AAK1: variants seen among roughly 807,000 people sequenced by gnomAD.
The protein encoded by AAK1 is AP2 associated kinase 1, also known as AP2-associated protein kinase 1.
A neutral mutation model predicts 116.0 loss-of-function variants in AAK1; 37 were observed. The ratio of observed to expected loss-of-function variants is 0.32; its 90% CI spans 0.25 to 0.42. The LOEUF is 0.42. Among genes scored for constraint, AAK1 ranks in the 10% least tolerant of loss-of-function variants. The probability of loss-of-function intolerance (pLI) is 1.00; values close to 1 mark genes in which losing one functional copy is unlikely to be tolerated. For missense variants in AAK1, 919 were observed against 1,170.6 expected, an observed-to-expected ratio of 0.79 and a Z score of 3.14; for synonymous variants, 458 against 439.9, an observed-to-expected ratio of 1.04 and a Z score of -0.51.
rs1675858464 is a variant in AAK1, at chr2:69,643,626, C to T, written c.-286G>A. 2 of 1,228,548 alleles carry T rather than the reference C, an allele frequency of 1.6e-6. No homozygotes were observed. Among genetic ancestry groups the T allele is most frequent in the Non-Finnish European group, 2.0e-6 (2 of 986,026 alleles). 76.1% of individuals were successfully genotyped at this position (1,228,548 alleles called of 1,614,324 possible). ...TGCTACCAGCCCCGCGACATTGTCA[C>T]GGCCGCCGGGCCGGCCTGCGACGCA... On this transcript the variant is annotated 5_prime_UTR_variant, in exon 1 of 22. The change creates a new upstream start codon in the 5' untranslated region. Transcript: ENST00000409085.
chr2:69,534,269 A>C (rs1406597018), intron 5 of AAK1, among the ~76,000 whole-genome samples: 1 of 152,170 alleles, frequency 6.6e-6, no homozygotes. Flanking sequence ...AAGTGAACCT[A>C]AACAACCTCA....
chr2:69,619,855 G>C (rs886870510), intron 2 of AAK1, among the ~76,000 whole-genome samples: 5 of 152,194 alleles, frequency 3.3e-5, no homozygotes, highest in African/African-American at 1.2e-4. Flanking sequence ...TATGGATAGA[G>C]AGCAATAACC....
intron 2 of AAK1, among the ~76,000 whole-genome samples, chr2:69,596,724 C>T (rs1483304224): frequency 1.3e-5 from 2 of 152,098 alleles, no homozygotes; most frequent in Non-Finnish European, 2.9e-5. Flanking sequence ...GGCAGTGGGC[C>T]TCTGTGACTA....
chr2:69,471,723 A>G lies in AAK1; in HGVS notation c.*4146T>C, dbSNP rs1674688498. On this transcript the variant is annotated 3_prime_UTR_variant, in exon 22 of 22. Transcript: ENST00000409085. ...TTGGCCCAAGGTATCTATAGCATGT[A>G]TTTATTTAGCTGAGTGCAGATCCCT... 2.0e-6 allele frequency: 2 copies of G among 985,278 alleles called. No homozygotes were observed. The highest frequency in any genetic ancestry group is 1.2e-4 in the Admixed American group (2 of 16,258). The allele number at this position is 985,278 out of a possible 1,614,324, so 61.0% of individuals were successfully genotyped here. A position where few individuals can be genotyped will look rare whatever the true frequency, so the allele number is the denominator to read the frequency against.
chr2:69,537,579 T>G (rs1344067051), intron 5 of AAK1, among the ~76,000 whole-genome samples: 1 of 152,212 alleles, frequency 6.6e-6, no homozygotes, highest in Non-Finnish European at 1.5e-5. Flanking sequence ...AACTAGCATT[T>G]TCTCTGGAAA....
At chr2:69,496,212 G>A in intron 16 of AAK1, 132 bp from the exon 17 acceptor site, 2 of 556,338 alleles carry the variant, frequency 3.6e-6, no homozygotes, top group South Asian at 4.3e-5. Flanking sequence ...TCTAAGCCTA[G>A]AATAAAAGTG....
rs1372091750 is a variant in AAK1 at position 69,472,223 on chromosome 2, C to T, written c.*3646G>A. 2 of 926,950 alleles carry T rather than the reference C, an allele frequency of 2.2e-6. No individual in the cohort carries two copies. The highest frequency in any genetic ancestry group is 2.6e-6 in the Non-Finnish European group (2 of 776,952). 57.4% of individuals were successfully genotyped at this position (926,950 alleles called of 1,614,324 possible). On this transcript the variant is annotated 3_prime_UTR_variant, in exon 22 of 22. Transcript: ENST00000409085. ...GGATTATCCTTTTTACTGTCTTCAA[C>T]AGTAACCACTCTTCATCTTACAGGG...
At chr2:69,592,966 C>T (rs1032224900) in intron 2 of AAK1, among the ~76,000 whole-genome samples, 4 of 152,202 alleles carry the variant, frequency 2.6e-5, no homozygotes, top group African/African-American at 4.8e-5. Flanking sequence ...TAACTTCATG[C>T]GTCACATTCC....
chr2:69,532,354 G>A (rs1670294500), intron 5 of AAK1, among the ~76,000 whole-genome samples, 192 bp from the exon 6 acceptor site: 1 of 152,174 alleles, frequency 6.6e-6, no homozygotes, highest in African/African-American at 2.4e-5. Flanking sequence ...GAGTAAGAGG[G>A]AAAAGTGGGT....
chr2:69,613,477 C>T (rs766128158), intron 2 of AAK1, among the ~76,000 whole-genome samples: 12 of 152,068 alleles, frequency 7.9e-5, no homozygotes, highest in Admixed American at 5.9e-4. Context: ...AGGTAGCTTC[C>T]GGATGGGGGC....
At chr2:69,628,512 A>G (rs1311926589) in intron 2 of AAK1, among the ~76,000 whole-genome samples, 1 of 152,076 alleles carries the variant, frequency 6.6e-6, no homozygotes, top group Non-Finnish European at 1.5e-5. Context: ...AGACCAGATA[A>G]CCTACTTCCC....
chr2:69,631,917 T>G (rs1035057083), intron 2 of AAK1, among the ~76,000 whole-genome samples: 1 of 151,974 alleles, frequency 6.6e-6, no homozygotes, highest in Non-Finnish European at 1.5e-5. Context: ...GAGGCGGAGG[T>G]TGCAGGGAGC....
chr2:69,514,460 T>C lies in AAK1; in HGVS notation c.1776+11A>G, dbSNP rs1030312408. ...GCTGCTTTTGTGCTCTGAGCTCTGG[T>C]TGATTCTTACCGCTGGCTCCTGGGC... On this transcript the variant is annotated intron_variant, in intron 13 of 21. Coordinates refer to ENST00000409085, the MANE Select transcript of AAK1 (RefSeq NM_014911.5). 8 of 1,532,056 alleles carry C rather than the reference T, an allele frequency of 5.2e-6. No individual in the cohort carries two copies. The highest frequency in any genetic ancestry group is 7.0e-6 in the Non-Finnish European group (8 of 1,136,666). 94.9% of individuals were successfully genotyped at this position (1,532,056 alleles called of 1,614,324 possible).
chr2:69,477,746 T>C (rs763310680), intron 20 of AAK1, among the ~76,000 whole-genome samples: 1 of 152,214 alleles, frequency 6.6e-6, no homozygotes, highest in Admixed American at 6.5e-5. Context: ...TATAAAAACA[T>C]AATCATTTTA....
At chr2:69,531,948 T>G in intron 6 of AAK1, 93 bp downstream of exon 6, 1 of 1,543,202 alleles carries the variant, frequency 6.5e-7, no homozygotes, top group Non-Finnish European at 8.9e-7. Context: ...CTATCACCAT[T>G]CTCTCCCCAC....
chr2:69,533,002 G>A (rs1302355185), intron 5 of AAK1, among the ~76,000 whole-genome samples: 22 of 152,084 alleles, frequency 1.4e-4, no homozygotes, highest in Admixed American at 1.1e-3. Flanking sequence ...TTGGGTCTAG[G>A]TGAACTGAGC....
At chr2:69,533,686 T>C (rs1181813596) in intron 5 of AAK1, among the ~76,000 whole-genome samples, 3 of 152,352 alleles carry the variant, frequency 2.0e-5, no homozygotes, top group Admixed American at 1.3e-4. Flanking sequence ...GTTTAAAGTC[T>C]ATTGTTCTTC....
intron 1 of AAK1, 101 bp downstream of exon 1, chr2:69,643,474 G>T: frequency 8.3e-7 from 1 of 1,208,238 alleles, no homozygotes; most frequent in South Asian, 4.2e-5. Context: ...AGAAAGGAGG[G>T]ATCCGAGCTG....
intron 18 of AAK1, chr2:69,482,374 G>T: frequency 4.0e-6 from 2 of 501,548 alleles, no homozygotes. Flanking sequence ...AAAAAAAGAA[G>T]AATCTGCTAA....
Sources: allele counts gnomAD v4.1 joint callset (sites outside exome capture counted in the v4.1 genomes callset), GRCh38; gene constraint gnomAD v4.1.1; transcripts MANE v1.5; gene names NCBI Gene and HGNC (gene_info 2026-07-23, HGNC 2026-07-21).